RUFY1: variants seen among roughly 807,000 people sequenced by gnomAD.
RUFY1 encodes the protein RUN and FYVE domain containing 1.
A neutral mutation model predicts 94.6 loss-of-function variants in RUFY1; 54 were observed. The observed-to-expected ratio is 0.57, with a 90% confidence interval of 0.46 to 0.72. The LOEUF (loss-of-function observed/expected upper bound fraction) is 0.72, where lower values mean the gene tolerates loss of function less well. Ranked by LOEUF, RUFY1 falls within the 30% of genes least tolerant of loss-of-function variation. The probability of loss-of-function intolerance (pLI) is 0.00; values close to 1 mark genes in which losing one functional copy is unlikely to be tolerated. For synonymous variants in RUFY1, 396 were observed against 347.3 expected, an observed-to-expected ratio of 1.14 and a Z score of -1.56; for missense variants, 883 against 883.9, an observed-to-expected ratio of 1.00 and a Z score of 0.01.
chr5:179,606,244 T>G (rs1398743019), intron 16 of RUFY1: 1 of 383,992 alleles, frequency 2.6e-6, no homozygotes, highest in Non-Finnish European at 4.7e-6. Context: ...CTTTAAACAG[T>G]GGAAAACAGG....
chr5:179,579,657 C>CTTTTTCTTT (rs1554118792), intron 6 of RUFY1, among the ~76,000 whole-genome samples: 16 of 50,568 alleles, frequency 3.2e-4, no homozygotes, highest in Non-Finnish European at 4.9e-4. Context: ...TTTTCTTCTT[C>CTTTTTCTTT]TTTTTTTTTT....
intron 8 of RUFY1, chr5:179,586,579 GAA>G (rs1764621080): frequency 2.6e-6 from 1 of 381,892 alleles, no homozygotes; most frequent in Admixed American, 3.3e-5. Context: ...TTACAGCAGA[GAA>G]GAGAGCCTCA....
chr5:179,578,380 A>AT (rs953825251), intron 6 of RUFY1, among the ~76,000 whole-genome samples: 106 of 146,650 alleles, frequency 7.2e-4, no homozygotes, highest in South Asian at 7.1e-3. Context: ...TGCCTGGCTA[A>AT]TTTTTTTTTT....
intron 6 of RUFY1, among the ~76,000 whole-genome samples, 190 bp downstream of exon 6, chr5:179,577,326 C>A (rs1763702095): frequency 6.6e-6 from 1 of 151,512 alleles, no homozygotes; most frequent in Non-Finnish European, 1.5e-5. Flanking sequence ...TGCGCCCCAC[C>A]ATGCCCAGCT....
At chr5:179,552,299 G>T (rs1471686158) in intron 1 of RUFY1, among the ~76,000 whole-genome samples, 1 of 151,872 alleles carries the variant, frequency 6.6e-6, no homozygotes, top group East Asian at 1.9e-4. Flanking sequence ...CATAGAAAAT[G>T]CTGGGACAGA....
Position 179,601,906 on chromosome 5 carries a change from T to C in RUFY1, c.1776T>C (p.Leu592=), listed in dbSNP as rs1766462282. The C allele has an allele frequency of 2.5e-6, 4 of 1,612,292 alleles. No homozygotes were observed. Among genetic ancestry groups the C allele is most frequent in the Non-Finnish European group, 2.5e-6 (3 of 1,179,436 alleles). ...GTTCATTTTAGGAGTTGCGGGAGCT[T>C]CAGGACGAGAAGGCAGAGCTGCAGA... ...VEGLKKELRE[L]QDEKAELQKI... Residue 592 remains leucine (L), a synonymous_variant, in exon 15 of 18, where the codon CTT becomes CTC. Transcript: ENST00000319449.
chr5:179,569,244 G>A lies in RUFY1; in HGVS notation c.705-58G>A, dbSNP rs1013163539. On this transcript the variant is annotated intron_variant, in intron 4 of 17. Transcript: ENST00000319449. ...TGAAAAGGCAGTTCAGGGTGGGGAA[G>A]GAGTGGGGATGGTGAAGCTGTTTCT... is the stretch of plus-strand genomic sequence containing the variant. 8.7e-6 allele frequency: 14 copies of A among 1,611,612 alleles called. No homozygotes were observed. In the Admixed American group the frequency reaches 1.5e-4, roughly 17 times the overall value.
At chr5:179,599,182 G>C in intron 14 of RUFY1, 1 of 204,888 alleles carries the variant, frequency 4.9e-6, no homozygotes, top group Non-Finnish European at 9.7e-6. Flanking sequence ...AGTGTGAGGA[G>C]CAAAGAGGCG....
chr5:179,605,311 C>T (rs937111708), intron 15 of RUFY1, among the ~76,000 whole-genome samples: 4 of 151,978 alleles, frequency 2.6e-5, no homozygotes, highest in African/African-American at 9.7e-5. Flanking sequence ...GACTGTTTCC[C>T]TCAATTGCAC....
At chr5:179,592,812 C>T (rs965945632) in intron 10 of RUFY1, among the ~76,000 whole-genome samples, 1 of 152,306 alleles carries the variant, frequency 6.6e-6, no homozygotes, top group African/African-American at 2.4e-5. Context: ...CAAACCATTC[C>T]AGAAATTCTA....
rs2127579687 is a variant in RUFY1 at position 179,608,364 on chromosome 5, G to C, written c.1983+705G>C. On this transcript the variant is annotated intron_variant, in intron 17 of 17. Transcript: ENST00000319449. The stretch of plus-strand genomic sequence containing the variant: ...AGTTTCAGGCAGTGCCTTGCAGTAA[G>C]CTCAGAGCTAGAAACCACGTCCTGA... 4.1e-6 allele frequency: 4 copies of C among 985,662 alleles called. No individual in the cohort carries two copies. In the South Asian group the frequency reaches 1.4e-4, roughly 35 times the overall value. 61.1% of individuals were successfully genotyped at this position (985,662 alleles called of 1,614,324 possible). A position where few individuals can be genotyped will look rare whatever the true frequency, so the allele number is the denominator to read the frequency against.
intron 1 of RUFY1, chr5:179,555,679 G>A (rs1762082230): frequency 2.5e-6 from 1 of 397,230 alleles, no homozygotes; most frequent in Non-Finnish European, 4.9e-6. Flanking sequence ...CCAGGCTGGA[G>A]TGCAATGGCG....
At chr5:179,582,376 C>T (rs184288959) in intron 7 of RUFY1, among the ~76,000 whole-genome samples, 4 of 152,192 alleles carry the variant, frequency 2.6e-5, no homozygotes, top group Non-Finnish European at 5.9e-5. Context: ...CAGGCATGCA[C>T]CACTACACCT....
chr5:179,577,052 C>T (rs1763667433), intron 5 of RUFY1, 23 bp from the exon 6 acceptor site: 12 of 1,478,286 alleles, frequency 8.1e-6, no homozygotes, highest in Non-Finnish European at 1.0e-5. Context: ...TTTATTTAAA[C>T]TTGTGCATTT....
chr5:179,556,571 G>A (rs1284357945), intron 1 of RUFY1, among the ~76,000 whole-genome samples: 2 of 152,010 alleles, frequency 1.3e-5, no homozygotes, highest in African/African-American at 2.4e-5. Context: ...CGCAATCTCG[G>A]CTCACTGCAA....
rs1562119186 is a variant in RUFY1, at chr5:179,605,896, A to T, written c.1877A>T (p.Asp626Val). 6.2e-7 allele frequency: 1 copy of T among 1,609,030 alleles called. No homozygotes were observed. Among genetic ancestry groups the T allele is most frequent in the Non-Finnish European group, 8.5e-7 (1 of 1,177,960 alleles). The change falls in exon 16 of 18, where the codon GAT becomes GTT. Residue 626 changes from aspartate (D) to valine (V), a missense_variant. Coordinates refer to ENST00000319449, the MANE Select transcript of RUFY1 (RefSeq NM_025158.5). ...HLSQSKLKME[D>V]IKEVNQALKG... ...CTTAGGTCCAAGCTGAAGATGGAAG[A>T]TATAAAAGAAGTGAACCAGGCACTG... is the stretch of plus-strand genomic sequence containing the variant.
chr5:179,607,673 C>G lies in RUFY1; in HGVS notation c.1983+14C>G, dbSNP rs769638332. The G allele has an allele frequency of 4.4e-6, 7 of 1,603,574 alleles. No homozygotes were observed. In the Middle Eastern group the frequency reaches 6.9e-4, roughly 159 times the overall value. On this transcript the variant is annotated intron_variant, in intron 17 of 17. Transcript: ENST00000319449. The stretch of plus-strand genomic sequence containing the variant: ...TCCCGGAGAAAGGTACGTGGGGGCT[C>G]CACCCACCCTCCCAGTGCCCTGAGT...
chr5:179,555,169 C>A (rs995401158), intron 1 of RUFY1, among the ~76,000 whole-genome samples: 1 of 151,650 alleles, frequency 6.6e-6, no homozygotes, highest in African/African-American at 2.4e-5. Flanking sequence ...AACAAACATG[C>A]GTGTTTTAAG....
At chr5:179,579,920 C>T (rs1015892642) in intron 6 of RUFY1, among the ~76,000 whole-genome samples, 3 of 151,600 alleles carry the variant, frequency 2.0e-5, no homozygotes, top group Admixed American at 1.3e-4. Flanking sequence ...CTGCCCACCT[C>T]GGCCTCCCAA....
Sources: gnomAD v4.1 joint callset for allele counts (sites outside exome capture counted in the v4.1 genomes callset) on GRCh38, gnomAD v4.1.1 for gene constraint, MANE v1.5 for transcripts, NCBI Gene and HGNC (gene_info 2026-07-23, HGNC 2026-07-21) for gene names.